The following DOCK1 variants were observed in gnomAD, a reference collection of about 807,000 sequenced individuals.
The protein encoded by DOCK1 is dedicator of cytokinesis protein 1.
A neutral mutation model predicts 262.7 loss-of-function variants in DOCK1; 138 were observed. The observed-to-expected ratio is 0.53, with a 90% CI of 0.46 to 0.61. The LOEUF (loss-of-function observed/expected upper bound fraction) is 0.61. DOCK1 is among the 20% of genes least tolerant of loss of function. DOCK1 has a pLI of 0.00. For synonymous variants in DOCK1, 866 were observed against 867.4 expected, an observed-to-expected ratio of 1.00 and a Z score of 0.03; for missense variants, 1,908 against 2,370.7, an observed-to-expected ratio of 0.80 and a Z score of 4.05.
chr10:126,906,646 G>A (rs1591267466), intron 1 of DOCK1, among the ~76,000 whole-genome samples: 1 of 152,182 alleles, frequency 6.6e-6, no homozygotes, highest in East Asian at 1.9e-4. Context: ...CTCAGCAGCA[G>A]CCCCGCGCCC....
At position 127,410,886 on chromosome 10, in the gene DOCK1, A is replaced by G. The variant is rs759911543; in HGVS notation, c.4390A>G (p.Ile1464Val). The G allele has an allele frequency of 1.3e-5, 21 of 1,613,782 alleles. No individual in the cohort carries two copies. The highest frequency in any genetic ancestry group is 1.6e-5 in the Non-Finnish European group (19 of 1,179,894). The change falls in exon 43 of 52, where the codon ATC becomes GTC. Residue 1464 changes from isoleucine (I) to valine (V), a missense_variant. This residue lies in a region of DOCK1 where 267 missense variants were observed against 366.3 expected (regional missense o/e 0.73). Coordinates refer to ENST00000623213, the MANE Select transcript of DOCK1 (RefSeq NM_001290223.2). ...CCAGCGATTTGAATATTCTCGGCCA[A>G]TCCGGAAGGGAGAGAAAAACCCAGA... The part of the protein sequence containing the change: ...EVQRFEYSRP[I>V]RKGEKNPDNE...
rs760233335 is a variant in DOCK1, at chr10:127,346,091, G to C, written c.3224+2345G>C. ...GCCCAAGTGTCCAGCGCCCGCTATT[G>C]GGTGAAGCTGGGACCCGAGCCCAGC... On this transcript the variant is annotated intron_variant, in intron 31 of 51. Transcript: ENST00000623213. Among the ~76,000 whole-genome samples the C allele has an allele frequency of 4.5e-4, 68 of 152,328 alleles. No homozygotes were observed. In the Middle Eastern group the frequency reaches 0.01, roughly 23 times the overall value.
intron 33 of DOCK1, among the ~76,000 whole-genome samples, chr10:127,363,019 ACACACACACATGCACCTCCCCC>A (rs2064668822): frequency 3.0e-5 from 4 of 133,194 alleles, no homozygotes; most frequent in African/African-American, 2.8e-5. Context: ...ATCCCCACAC[ACACACACACATGCACCTCCCCC>A]CACACACACA....
chr10:127,339,625 TTGTGTGTG>T (rs754796831), intron 30 of DOCK1, among the ~76,000 whole-genome samples: 6 of 139,520 alleles, frequency 4.3e-5, no homozygotes, highest in Middle Eastern at 3.9e-3. Flanking sequence ...GTGTGTGTGT[TTGTGTGTG>T]TGTGTGTGTG....
intron 37 of DOCK1, among the ~76,000 whole-genome samples, chr10:127,382,763 A>G (rs1233907906): frequency 1.3e-5 from 2 of 152,234 alleles, no homozygotes; most frequent in African/African-American, 2.4e-5. Flanking sequence ...TCCGTCCCTC[A>G]TAGAACGTAA....
intron 31 of DOCK1, among the ~76,000 whole-genome samples, chr10:127,346,529 G>A (rs541293613): frequency 6.6e-6 from 1 of 152,260 alleles, no homozygotes; most frequent in Admixed American, 6.5e-5. Context: ...CCAGGGGGTC[G>A]GGGCTGCAGT....
chr10:127,431,565 C>T (rs1435553914), intron 47 of DOCK1, among the ~76,000 whole-genome samples: 1 of 152,216 alleles, frequency 6.6e-6, no homozygotes. Context: ...GTGAACATCT[C>T]CATGAAGCTA....
chr10:127,140,336 A>G (rs961926780), intron 27 of DOCK1, among the ~76,000 whole-genome samples: 1 of 152,118 alleles, frequency 6.6e-6, no homozygotes, highest in African/African-American at 2.4e-5. Context: ...ACTCCCCATT[A>G]TGCTGCCCTG....
Position 126,959,439 on chromosome 10 carries a change from T to C in DOCK1, c.47-11263T>C, listed in dbSNP as rs2037017453. The stretch of plus-strand genomic sequence containing the variant: ...GAAAGTAAATCACGATATATAGGGT[T>C]ATATAAAACCCATCTGATGAGAATT... On this transcript the variant is annotated intron_variant, in intron 1 of 51. Coordinates refer to ENST00000623213, the MANE Select transcript of DOCK1 (RefSeq NM_001290223.2). Among the ~76,000 whole-genome samples the C allele has an allele frequency of 4.6e-5, 7 of 152,344 alleles. No individual in the cohort carries two copies. In the South Asian group the frequency reaches 1.4e-3, roughly 32 times the overall value.
intron 29 of DOCK1, among the ~76,000 whole-genome samples, chr10:127,291,724 G>A (rs1056098773): frequency 8.5e-5 from 13 of 152,180 alleles, no homozygotes; most frequent in South Asian, 2.1e-4. Context: ...GACAGAGCTC[G>A]GCCTTTCTGC....
chr10:127,387,349 C>G (rs1225385080), intron 38 of DOCK1, among the ~76,000 whole-genome samples: 1 of 152,170 alleles, frequency 6.6e-6, no homozygotes, highest in East Asian at 1.9e-4. Context: ...CTGCCTGTAC[C>G]ATTTTGTCAC....
chr10:127,384,353 C>G (rs1247911530), intron 37 of DOCK1, among the ~76,000 whole-genome samples: 2 of 152,204 alleles, frequency 1.3e-5, no homozygotes, highest in African/African-American at 4.8e-5. Flanking sequence ...AGGAGCTTGA[C>G]AGCCTTTCTA....
intron 31 of DOCK1, among the ~76,000 whole-genome samples, chr10:127,349,374 G>A (rs988569000): frequency 4.0e-5 from 6 of 151,754 alleles, no homozygotes; most frequent in African/African-American, 7.3e-5. Flanking sequence ...GCTTTTCTTC[G>A]CTCTCAGGAC....
chr10:127,276,213 G>A (rs140589651), intron 29 of DOCK1, among the ~76,000 whole-genome samples: 3 of 152,332 alleles, frequency 2.0e-5, no homozygotes, highest in Admixed American at 6.5e-5. Flanking sequence ...CACTGGAGAG[G>A]TTGGGTGGAG....
At chr10:127,395,131 G>A (rs183081315) in intron 38 of DOCK1, among the ~76,000 whole-genome samples, 88 of 152,298 alleles carry the variant, frequency 5.8e-4, no homozygotes, top group African/African-American at 1.9e-3. Flanking sequence ...GAGCCATTCT[G>A]GGAGATAGCA....
intron 27 of DOCK1, among the ~76,000 whole-genome samples, chr10:127,230,928 C>G (rs756649685): frequency 6.6e-6 from 1 of 151,942 alleles, no homozygotes; most frequent in Non-Finnish European, 1.5e-5. Flanking sequence ...AATGTTAATT[C>G]TTCTAATCCA....
chr10:127,387,840 T>G (rs945041326), intron 38 of DOCK1, among the ~76,000 whole-genome samples: 1 of 141,698 alleles, frequency 7.1e-6, no homozygotes, highest in Non-Finnish European at 1.5e-5. Flanking sequence ...CAATAAATGA[T>G]AAATCAAAAA....
intron 23 of DOCK1, among the ~76,000 whole-genome samples, chr10:127,103,061 T>C (rs1255856056): frequency 6.6e-6 from 1 of 152,198 alleles, no homozygotes; most frequent in African/African-American, 2.4e-5. Context: ...ATGCAGCCTC[T>C]TGCATATGTC....
intron 1 of DOCK1, among the ~76,000 whole-genome samples, chr10:126,962,269 C>G (rs986470013): frequency 1.4e-4 from 22 of 152,092 alleles, no homozygotes; most frequent in Non-Finnish European, 3.1e-4. Context: ...GAACAATTCT[C>G]CTGCTTCAGC....
Sources: gnomAD v4.1 joint callset for allele counts (sites outside exome capture counted in the v4.1 genomes callset) on GRCh38, gnomAD v4.1.1 for gene constraint, gnomAD v4.1.1 regional missense constraint, MANE v1.5 for transcripts, NCBI Gene and HGNC (gene_info 2026-07-23, HGNC 2026-07-21) for gene names.